Variants in MTREX observed in about 807,000 individuals in gnomAD.
MTREX encodes Mtr4 exosome RNA helicase.
A neutral mutation model predicts 135.4 loss-of-function variants in MTREX; 76 were observed. The ratio of observed to expected loss-of-function variants is 0.56; its 90% CI spans 0.47 to 0.68. The LOEUF is 0.68. Ranked by LOEUF, MTREX falls within the 30% of genes least tolerant of loss-of-function variation. MTREX has a pLI of 0.00. For missense variants in MTREX, 920 were observed against 1,262.1 expected, an observed-to-expected ratio of 0.73 and a Z score of 4.11; for synonymous variants, 404 against 401.6, an observed-to-expected ratio of 1.01 and a Z score of -0.07.
intron 21 of MTREX, among the ~76,000 whole-genome samples, chr5:55,401,628 T>G (rs1750724570): frequency 6.6e-6 from 1 of 152,220 alleles, no homozygotes; most frequent in South Asian, 2.1e-4. Flanking sequence ...AGATAACTGC[T>G]TTCTCTACAT....
chr5:55,418,073 A>G (rs1750998933), intron 25 of MTREX, among the ~76,000 whole-genome samples: 1 of 151,620 alleles, frequency 6.6e-6, no homozygotes, highest in Non-Finnish European at 1.5e-5. Flanking sequence ...TCTCTACAAA[A>G]AATACAAAAA....
At chr5:55,418,697 G>A (rs183743566) in intron 25 of MTREX, among the ~76,000 whole-genome samples, 10 of 151,948 alleles carry the variant, frequency 6.6e-5, no homozygotes, top group Admixed American at 6.6e-4. Context: ...CTATGTATTC[G>A]CCCTTAAAAC....
intron 1 of MTREX, among the ~76,000 whole-genome samples, chr5:55,311,134 T>C (rs1328476913): frequency 1.3e-5 from 2 of 152,148 alleles, no homozygotes; most frequent in African/African-American, 4.8e-5. Context: ...ATGTATTTTA[T>C]ATATAAAACA....
chr5:55,376,612 C>T (rs1284572780), intron 16 of MTREX, among the ~76,000 whole-genome samples: 3 of 152,218 alleles, frequency 2.0e-5, no homozygotes, highest in Non-Finnish European at 4.4e-5. Context: ...TGAAATGGCA[C>T]TAGTTCTATA....
At chr5:55,408,656 T>G (rs1482232404) in intron 22 of MTREX, among the ~76,000 whole-genome samples, 1 of 152,178 alleles carries the variant, frequency 6.6e-6, no homozygotes, top group East Asian at 1.9e-4. Flanking sequence ...GAACCCTGAT[T>G]ATAGAAGTCT....
rs1237187402 is a variant in MTREX, at chr5:55,422,799, C to G, written c.2972-79C>G. 4.7e-6 allele frequency: 5 copies of G among 1,056,374 alleles called. No homozygotes were observed. The Admixed American group carries it at 8.8e-5, about 19-fold the overall frequency. The allele number at this position is 1,056,374 out of a possible 1,614,324, so 65.4% of individuals were successfully genotyped here. On this transcript the variant is annotated intron_variant, in intron 25 of 26. Transcript: ENST00000230640. ...AGTACTATTAATTATCGTGTGTTCT[C>G]CTGCCTTGCCTCTTAACAAAAATTC... is the stretch of plus-strand genomic sequence containing the variant.
rs962130088 is a variant in MTREX, at chr5:55,416,103, A to G, written c.2942A>G (p.His981Arg). 1 of 1,588,150 alleles carries G rather than the reference A, an allele frequency of 6.3e-7. No homozygotes were observed. The highest frequency in any genetic ancestry group is 2.3e-5 in the East Asian group (1 of 43,336). ...YTWATGATFAHICKMTDVFEG... is the reference protein window; with the variant it reads ...YTWATGATFARICKMTDVFEG... ...TGGGCAACTGGAGCTACATTTGCCC[A>G]TATCTGCAAAATGACAGATGTCTTT... Residue 981 changes from histidine to arginine, a missense_variant, in exon 25 of 27, where the codon CAT becomes CGT. By Grantham distance (29) the His-to-Arg change is conservative. Around this residue, in one of 6 missense-constraint regions of MTREX, gnomAD observed 467 missense variants for 589.7 expected, o/e 0.79. Transcript: ENST00000230640.
At chr5:55,403,046 T>A (rs1416029232) in intron 21 of MTREX, among the ~76,000 whole-genome samples, 1 of 151,650 alleles carries the variant, frequency 6.6e-6, no homozygotes, top group Admixed American at 6.6e-5. Flanking sequence ...AAAAAAATTT[T>A]AAAAATTAGC....
intron 14 of MTREX, among the ~76,000 whole-genome samples, chr5:55,355,984 G>A (rs1161379203): frequency 6.6e-6 from 1 of 152,238 alleles, no homozygotes; most frequent in Non-Finnish European, 1.5e-5. Context: ...GGGTTAGGGA[G>A]ACAGTGAAGG....
chr5:55,397,670 A>T (rs1750667658), intron 20 of MTREX, 144 bp downstream of exon 20: 4 of 488,386 alleles, frequency 8.2e-6, no homozygotes, highest in Admixed American at 3.5e-5. Flanking sequence ...TATTTTTCAT[A>T]AAAATAAAGG....
At chr5:55,373,740 A>G (rs1750245109) in intron 16 of MTREX, among the ~76,000 whole-genome samples, 1 of 151,996 alleles carries the variant, frequency 6.6e-6, no homozygotes, top group African/African-American at 2.4e-5. Flanking sequence ...ACTAGTGTCT[A>G]AAATTTTGGA....
At chr5:55,416,822 T>C (rs1750973045) in intron 25 of MTREX, among the ~76,000 whole-genome samples, 1 of 152,124 alleles carries the variant, frequency 6.6e-6, no homozygotes, top group Non-Finnish European at 1.5e-5. Context: ...TTCCTAAAAA[T>C]GAAAATAAAT....
At position 55,420,170 on chromosome 5, in the gene MTREX, A is replaced by C. The variant is rs534293063; in HGVS notation, c.2972-2708A>C. Among the ~76,000 whole-genome samples the C allele has an allele frequency of 4.9e-5, 7 of 142,246 alleles. No homozygotes were observed. In the South Asian group the frequency reaches 6.4e-4, roughly 13 times the overall value. The allele number at this position is 142,246 out of a possible 152,430, so 93.3% of individuals were successfully genotyped here. ...TCAGCCTAAGCTGGGGTTTAGCGGCAAGTAGTTGCAAGATACATGTGTGAT... is the reference window on the plus strand; with the variant it reads ...TCAGCCTAAGCTGGGGTTTAGCGGCCAGTAGTTGCAAGATACATGTGTGAT... On this transcript the variant is annotated intron_variant, in intron 25 of 26. Transcript: ENST00000230640.
intron 21 of MTREX, among the ~76,000 whole-genome samples, chr5:55,400,796 T>C (rs987890500): frequency 6.6e-6 from 1 of 152,220 alleles, no homozygotes; most frequent in African/African-American, 2.4e-5. Flanking sequence ...GAAGGAACTT[T>C]ATACCCATTA....
intron 14 of MTREX, among the ~76,000 whole-genome samples, chr5:55,355,487 G>A (rs1359405671): frequency 6.6e-6 from 1 of 152,188 alleles, no homozygotes; most frequent in Non-Finnish European, 1.5e-5. Context: ...AGGGGGAAAG[G>A]GAGGTAATAG....
intron 22 of MTREX, among the ~76,000 whole-genome samples, chr5:55,407,974 T>A (rs950775863): frequency 6.6e-6 from 1 of 152,034 alleles, no homozygotes; most frequent in African/African-American, 2.4e-5. Flanking sequence ...CCCAGGCTGG[T>A]CTTGAACTCC....
chr5:55,389,026 C>G (rs74383338), intron 19 of MTREX, among the ~76,000 whole-genome samples: 6,263 of 152,222 alleles, frequency 0.041, 186 homozygotes, highest in Non-Finnish European at 0.055. Flanking sequence ...AGACAATTCA[C>G]TGTAACATTT....
At chr5:55,327,916 A>G (rs1188031213) in intron 4 of MTREX, 138 bp downstream of exon 4, 7 of 585,196 alleles carry the variant, frequency 1.2e-5, no homozygotes, top group Non-Finnish European at 1.8e-5. Flanking sequence ...AAAGACAAAT[A>G]TAATGAGAAC....
At chr5:55,420,083 G>A (rs1428824945) in intron 25 of MTREX, among the ~76,000 whole-genome samples, 1 of 152,162 alleles carries the variant, frequency 6.6e-6, no homozygotes, top group Non-Finnish European at 1.5e-5. Flanking sequence ...TGAGACCCTA[G>A]TGGGAATCAG....
Sources: gnomAD v4.1 joint callset for allele counts (sites outside exome capture counted in the v4.1 genomes callset) on GRCh38, gnomAD v4.1.1 for gene constraint, gnomAD v4.1.1 regional missense constraint, MANE v1.5 for transcripts, NCBI Gene and HGNC (gene_info 2026-07-23, HGNC 2026-07-21) for gene names.